The following CSNK1G1 variants were observed in gnomAD, a reference collection of about 807,000 sequenced individuals.
The protein encoded by CSNK1G1 is casein kinase I isoform gamma-1.
A neutral mutation model predicts 59.6 loss-of-function variants in CSNK1G1; 22 were observed. The observed-to-expected ratio is 0.37, with a 90% CI of 0.26 to 0.53. The LOEUF is 0.53. Ranked by LOEUF, CSNK1G1 falls within the 20% of genes least tolerant of loss-of-function variation. CSNK1G1 has a pLI of 0.89. For missense variants in CSNK1G1, 384 were observed against 519.5 expected (o/e 0.74, Z 2.54); for synonymous variants, 179 against 177.1 (o/e 1.01, Z -0.08).
intron 1 of CSNK1G1, among the ~76,000 whole-genome samples, chr15:64,302,098 T>C (rs1895381150): frequency 6.6e-6 from 1 of 151,992 alleles, no homozygotes. Context: ...GTTTGCTTTA[T>C]TTATTTATTT....
intron 4 of CSNK1G1, among the ~76,000 whole-genome samples, chr15:64,225,483 C>T (rs1320748131): frequency 1.3e-5 from 2 of 152,136 alleles, no homozygotes; most frequent in African/African-American, 2.4e-5. Flanking sequence ...AGGTGAGATG[C>T]CTCTGATTGG....
intron 10 of CSNK1G1, among the ~76,000 whole-genome samples, chr15:64,184,676 C>CAAA (rs59052389): frequency 2.5e-5 from 2 of 81,466 alleles, no homozygotes; most frequent in Non-Finnish European, 4.8e-5. Context: ...AACTCTGTCT[C>CAAA]AAAAAAAAAA....
chr15:64,258,712 G>C (rs984992847), intron 3 of CSNK1G1, among the ~76,000 whole-genome samples: 1 of 151,922 alleles, frequency 6.6e-6, no homozygotes, highest in African/African-American at 2.4e-5. Flanking sequence ...TTATTCACAA[G>C]GTTAGTACTA....
chr15:64,209,759 G>A (rs1017514658), intron 6 of CSNK1G1, among the ~76,000 whole-genome samples: 1 of 151,932 alleles, frequency 6.6e-6, no homozygotes, highest in Non-Finnish European at 1.5e-5. Flanking sequence ...CTCCCACAAA[G>A]CAGGGCAGAT....
At chr15:64,237,349 G>C (rs1392339246) in intron 4 of CSNK1G1, among the ~76,000 whole-genome samples, 1 of 152,094 alleles carries the variant, frequency 6.6e-6, no homozygotes, top group East Asian at 1.9e-4. Flanking sequence ...AGAGAGACCT[G>C]AAAAATTTAT....
intron 2 of CSNK1G1, among the ~76,000 whole-genome samples, chr15:64,280,453 G>A (rs1321918985): frequency 1.3e-5 from 2 of 151,934 alleles, no homozygotes; most frequent in African/African-American, 4.8e-5. Context: ...AGGCTGGAGT[G>A]CAGTGGCGCA....
rs117436290 is a variant in CSNK1G1, at chr15:64,191,867, C to T, written c.1107+11215G>A. 1.4e-3 allele frequency among the ~76,000 whole-genome samples: 220 copies of T among 152,218 alleles called. 3 individuals carry two copies. The East Asian group carries it at 0.035, about 25-fold the overall frequency. On this transcript the variant is annotated intron_variant, in intron 10 of 11. Transcript: ENST00000303052. ...GTTTATTACTTTGGAAGCAAGTTTTCGGTAAGATGTTAAATTCTAGGGCTA... is the reference window on the plus strand; with the variant it reads ...GTTTATTACTTTGGAAGCAAGTTTTTGGTAAGATGTTAAATTCTAGGGCTA...
At chr15:64,305,624 T>C (rs191413428) in intron 1 of CSNK1G1, among the ~76,000 whole-genome samples, 1 of 146,470 alleles carries the variant, frequency 6.8e-6, no homozygotes, top group African/African-American at 2.5e-5. Flanking sequence ...GAGGCAGAAC[T>C]GGGAGGATTG....
chr15:64,335,254 T>C (rs1009199501), intron 1 of CSNK1G1, among the ~76,000 whole-genome samples: 5 of 152,138 alleles, frequency 3.3e-5, no homozygotes. Context: ...AACATAACCT[T>C]ATCTGAGAAG....
At chr15:64,267,077 G>A (rs1004743420) in intron 2 of CSNK1G1, among the ~76,000 whole-genome samples, 9 of 151,812 alleles carry the variant, frequency 5.9e-5, no homozygotes, top group African/African-American at 1.7e-4. Context: ...CCAACATGGC[G>A]AAACCCCACC....
At chr15:64,250,894 G>C (rs1052545723) in intron 4 of CSNK1G1, among the ~76,000 whole-genome samples, 3 of 152,206 alleles carry the variant, frequency 2.0e-5, no homozygotes, top group South Asian at 4.1e-4. Flanking sequence ...CATCTTCTGA[G>C]AGACTTGTCC....
At chr15:64,308,948 TGCTTACCTCTTCC>T (rs1895843702) in intron 1 of CSNK1G1, among the ~76,000 whole-genome samples, 1 of 152,028 alleles carries the variant, frequency 6.6e-6, no homozygotes, top group African/African-American at 2.4e-5. Flanking sequence ...ATCTGGCACT[TGCTTACCTCTTCC>T]GCTTAATTTC....
At chr15:64,260,193 G>A (rs1892620434) in intron 2 of CSNK1G1, among the ~76,000 whole-genome samples, 1 of 152,128 alleles carries the variant, frequency 6.6e-6, no homozygotes, top group Non-Finnish European at 1.5e-5. Context: ...TAAATATCTT[G>A]AGGATAGGGA....
intron 10 of CSNK1G1, among the ~76,000 whole-genome samples, chr15:64,184,631 C>A (rs1282695900): frequency 2.0e-5 from 3 of 147,336 alleles, no homozygotes; most frequent in African/African-American, 7.5e-5. Flanking sequence ...GAGCCAAGAT[C>A]ATGCCACTGC....
chr15:64,340,909 G>T (rs773174092), intron 1 of CSNK1G1, among the ~76,000 whole-genome samples: 7 of 152,142 alleles, frequency 4.6e-5, no homozygotes, highest in Non-Finnish European at 1.0e-4. Context: ...AGTGAGCCAT[G>T]ATCACACCAC....
chr15:64,348,519 CAA>C (rs1357529571), intron 1 of CSNK1G1: 8 of 152,176 alleles, frequency 5.3e-5, no homozygotes, highest in South Asian at 2.1e-4. Flanking sequence ...TACACAATCT[CAA>C]AGAGTAAATA....
rs576991618 is a variant in CSNK1G1, at chr15:64,214,253, CCT to C, written c.445-131_445-130del. The C allele has an allele frequency of 3.2e-3, 2,179 of 686,458 alleles. 8 individuals are homozygous for C. Among genetic ancestry groups the C allele is most frequent in the Non-Finnish European group, 4.7e-3 (1,864 of 396,524 alleles). 42.5% of individuals were successfully genotyped at this position (686,458 alleles called of 1,614,324 possible). A position where few individuals can be genotyped will look rare whatever the true frequency, so the allele number is the denominator to read the frequency against. ...AGTAAAATTCATCTCCTTTCACCGC[CCT>C]GAGTCACTTCACTGACTTGTAAACA... On this transcript the variant is annotated intron_variant, in intron 5 of 11. Coordinates refer to ENST00000303052, the MANE Select transcript of CSNK1G1 (RefSeq NM_022048.5). The surrounding 1 kb of genome is among the most constrained non-coding windows in gnomAD (Gnocchi z 4.3).
At chr15:64,268,501 T>C (rs1458246703) in intron 2 of CSNK1G1, among the ~76,000 whole-genome samples, 1 of 152,208 alleles carries the variant, frequency 6.6e-6, no homozygotes, top group Non-Finnish European at 1.5e-5. Context: ...CAGCCAGAAC[T>C]ACCATCTGTG....
intron 2 of CSNK1G1, among the ~76,000 whole-genome samples, chr15:64,286,343 A>AACAATATTGTTAACATGTTATTGTTC (rs1894412714): frequency 6.6e-6 from 1 of 151,512 alleles, no homozygotes; most frequent in African/African-American, 2.4e-5. Flanking sequence ...TGTTATTGTT[A>AACAATATTGTTAACATGTTATTGTTC]ACAATATTGT....
Sources: gnomAD v4.1 joint callset for allele counts (sites outside exome capture counted in the v4.1 genomes callset) on GRCh38, gnomAD v4.1.1 for gene constraint, Gnocchi (gnomAD v3.1) non-coding constraint, MANE v1.5 for transcripts, NCBI Gene and HGNC (gene_info 2026-07-23, HGNC 2026-07-21) for gene names.